Variants in ATP9B observed in about 807,000 individuals in gnomAD.
ATP9B encodes probable phospholipid-transporting ATPase IIB.
ATP9B carries 110 observed loss-of-function variants against 146.1 expected under a neutral mutation model. The observed-to-expected ratio is 0.75, with a 90% CI of 0.65 to 0.88. The LOEUF (loss-of-function observed/expected upper bound fraction) is 0.88, where lower values mean the gene tolerates loss of function less well. Ranked by LOEUF, ATP9B falls within the 40% of genes least tolerant of loss-of-function variation. The pLI is 0.00. For missense variants in ATP9B, 1,499 were observed against 1,496.4 expected (o/e 1.00, Z -0.03); for synonymous variants, 604 against 569.7 (o/e 1.06, Z -0.86).
chr18:79,310,100 G>A (rs1568642063), intron 15 of ATP9B, among the ~76,000 whole-genome samples: 1 of 152,150 alleles, frequency 6.6e-6, no homozygotes. Context: ...GTGGAGAAGA[G>A]GCAGGAAGAA....
At chr18:79,258,160 A>G (rs2096102508) in intron 12 of ATP9B, among the ~76,000 whole-genome samples, 1 of 152,254 alleles carries the variant, frequency 6.6e-6, no homozygotes, top group Admixed American at 6.5e-5. Context: ...CTCAGTAATT[A>G]TATGTATTTA....
At chr18:79,329,403 G>A (rs2096778282) in intron 16 of ATP9B, 101 bp downstream of exon 16, 1 of 1,301,516 alleles carries the variant, frequency 7.7e-7, no homozygotes. Context: ...ATTTACTCAG[G>A]TGCTTTATGC....
rs773245123 is a variant in ATP9B, at chr18:79,176,913, C to T, written c.873+6C>T. The T allele has an allele frequency of 6.2e-7, 1 of 1,612,984 alleles. No individual in the cohort carries two copies. Among genetic ancestry groups the T allele is most frequent in the South Asian group, 1.1e-5 (1 of 90,982 alleles). On this transcript the variant is annotated splice_donor_region_variant and intron_variant, in intron 8 of 29. Transcript: ENST00000426216. ...AACAGCTGCCGGCTCTGGGGGTGAGCAGCACCAAGACTACTCCATCCTTTT... is the reference window on the plus strand; with the variant it reads ...AACAGCTGCCGGCTCTGGGGGTGAGTAGCACCAAGACTACTCCATCCTTTT...
At chr18:79,280,574 CT>C (rs563671808) in intron 13 of ATP9B, among the ~76,000 whole-genome samples, 1 of 151,878 alleles carries the variant, frequency 6.6e-6, no homozygotes, top group African/African-American at 2.4e-5. Context: ...GTTTAGATCT[CT>C]TTTTTTTATT....
intron 11 of ATP9B, among the ~76,000 whole-genome samples, chr18:79,238,838 A>G (rs1179451844): frequency 6.6e-6 from 1 of 151,468 alleles, no homozygotes; most frequent in Non-Finnish European, 1.5e-5. Context: ...CAGTGGCCAC[A>G]TGGGCAGTGA....
intron 7 of ATP9B, among the ~76,000 whole-genome samples, chr18:79,167,457 G>C (rs962628501): frequency 6.6e-6 from 1 of 152,162 alleles, no homozygotes; most frequent in African/African-American, 2.4e-5. Flanking sequence ...CAGGCAGGTC[G>C]TTCTGTTGAG....
chr18:79,256,257 C>CTATATATATATATATATATATATATATA (rs10531617), intron 12 of ATP9B, among the ~76,000 whole-genome samples: 16 of 100,358 alleles, frequency 1.6e-4, no homozygotes, highest in African/African-American at 4.2e-4. Context: ...TTCTAGCTAG[C>CTATATATATATATATATATATATATATA]TATATATATA....
intron 1 of ATP9B, 56 bp downstream of exon 1, chr18:79,069,585 C>G: frequency 8.6e-7 from 1 of 1,159,222 alleles, no homozygotes; most frequent in Non-Finnish European, 1.1e-6. Flanking sequence ...GGCCCCCAGC[C>G]CACCGCAGGA....
At chr18:79,330,441 G>C (rs1303196302) in intron 17 of ATP9B, among the ~76,000 whole-genome samples, 1 of 148,502 alleles carries the variant, frequency 6.7e-6, no homozygotes, top group Non-Finnish European at 1.5e-5. Context: ...TTTTGAGACA[G>C]ACACACTGTC....
chr18:79,280,840 T>G (rs922199604), intron 13 of ATP9B, among the ~76,000 whole-genome samples: 1 of 152,318 alleles, frequency 6.6e-6, no homozygotes, highest in South Asian at 2.1e-4. Context: ...TTCTTAAATC[T>G]CTGCATTTTT....
chr18:79,223,942 A>G (rs569505854), intron 11 of ATP9B, among the ~76,000 whole-genome samples: 297 of 152,350 alleles, frequency 1.9e-3, no homozygotes, highest in Non-Finnish European at 2.8e-3. Flanking sequence ...GAATTTAATT[A>G]GAAAACAGGT....
Position 79,345,572 on chromosome 18 carries a change from G to C in ATP9B, c.2617G>C (p.Gly873Arg), listed in dbSNP as rs771485807. ...QHTGRRTCAI[G>R]DGGNDVSMIQ... is the part of the protein sequence containing the mutation. ...CACAGGGAGACGCACCTGCGCCATC[G>C]GTGAGAGCCGCCCACCCTGCTCACA... Residue 873 changes from glycine (G) to arginine (R), a missense_variant and splice_region_variant, in exon 22 of 30, where the codon GGT (glycine) becomes CGT (arginine). Physicochemically the swap from Gly to Arg is moderately radical, Grantham distance 125. Transcript: ENST00000426216. 2.5e-6 allele frequency: 4 copies of C among 1,606,648 alleles called. 1 individual carries two copies. Among genetic ancestry groups the C allele is most frequent in the Non-Finnish European group, 3.4e-6 (4 of 1,179,394 alleles).
At chr18:79,213,862 T>C in intron 10 of ATP9B, 100 bp from the exon 11 acceptor site, 2 of 832,722 alleles carry the variant, frequency 2.4e-6, no homozygotes, top group South Asian at 2.0e-5. Context: ...TAAAATCAAA[T>C]AGTGTGATAA....
At chr18:79,272,803 C>T (rs2145621067) in intron 12 of ATP9B, among the ~76,000 whole-genome samples, 1 of 152,354 alleles carries the variant, frequency 6.6e-6, no homozygotes, top group South Asian at 2.1e-4. Context: ...TCCTAATCCA[C>T]ACAATGACCA....
At chr18:79,241,281 G>A (rs1465852195) in intron 11 of ATP9B, among the ~76,000 whole-genome samples, 4 of 151,992 alleles carry the variant, frequency 2.6e-5, no homozygotes, top group Admixed American at 6.6e-5. Context: ...TGAGAATTCC[G>A]CAGCCTTTCC....
chr18:79,095,218 G>A (rs1424720370), intron 1 of ATP9B, among the ~76,000 whole-genome samples: 10 of 152,164 alleles, frequency 6.6e-5, no homozygotes, highest in Non-Finnish European at 8.8e-5. Context: ...TTCAAGAGGT[G>A]CATCCTTCTT....
At chr18:79,370,743 G>GTGCT (rs1440079653) in intron 26 of ATP9B, among the ~76,000 whole-genome samples, 1 of 152,054 alleles carries the variant, frequency 6.6e-6, no homozygotes, top group East Asian at 1.9e-4. Flanking sequence ...CAGGTCTGAG[G>GTGCT]TGCTCCCTGT....
At chr18:79,096,915 G>A (rs966918046) in intron 2 of ATP9B, among the ~76,000 whole-genome samples, 2 of 152,056 alleles carry the variant, frequency 1.3e-5, no homozygotes, top group Admixed American at 6.6e-5. Context: ...CTAGCACTTC[G>A]GGAGGCTAAG....
chr18:79,335,829 A>G (rs913042230), intron 17 of ATP9B, among the ~76,000 whole-genome samples: 2 of 152,262 alleles, frequency 1.3e-5, no homozygotes, highest in Non-Finnish European at 2.9e-5. Context: ...GCCCATTTCT[A>G]TGAAGGAGGA....
Sources: gnomAD v4.1 joint callset for allele counts (sites outside exome capture counted in the v4.1 genomes callset) on GRCh38, gnomAD v4.1.1 for gene constraint, MANE v1.5 for transcripts, NCBI Gene and HGNC (gene_info 2026-07-23, HGNC 2026-07-21) for gene names.